Variants in SPATA6 observed in about 807,000 individuals in gnomAD.
The protein encoded by SPATA6 is spermatogenesis associated 6, also known as spermatogenesis-associated protein 6.
A neutral mutation model predicts 65.3 loss-of-function variants in SPATA6; 56 were observed. The observed-to-expected ratio is 0.86, with a 90% CI of 0.69 to 1.07. The LOEUF is 1.07. Ranked by LOEUF, SPATA6 falls within the 50% of genes least tolerant of loss-of-function variation. The pLI is 0.00. For missense variants in SPATA6, 590 were observed against 594.8 expected (o/e 0.99, Z 0.08); for synonymous variants, 199 against 213.2 (o/e 0.93, Z 0.58).
At chr1:48,469,470 A>ATT (rs1050846921) in intron 1 of SPATA6, among the ~76,000 whole-genome samples, 4 of 22,406 alleles carry the variant, frequency 1.8e-4, no homozygotes, top group African/African-American at 4.2e-4. Flanking sequence ...ACAAATATCT[A>ATT]TTTATATATA....
intron 11 of SPATA6, 161 bp downstream of exon 11, chr1:48,355,509 T>C: frequency 1.9e-6 from 1 of 533,838 alleles, no homozygotes. Flanking sequence ...AGCAGGCATT[T>C]AGATATGTTG....
intron 3 of SPATA6, among the ~76,000 whole-genome samples, chr1:48,431,244 A>C (rs770106079): frequency 1.3e-5 from 2 of 152,184 alleles, no homozygotes; most frequent in Non-Finnish European, 2.9e-5. Context: ...TTATACATCT[A>C]TAAAGAGATC....
chr1:48,462,793 C>T (rs1214874171), intron 1 of SPATA6, among the ~76,000 whole-genome samples: 2 of 152,068 alleles, frequency 1.3e-5, no homozygotes, highest in East Asian at 3.8e-4. Context: ...ATCTACTTCA[C>T]TGGGTTAAGG....
At chr1:48,335,187 C>A (rs1366230407) in intron 11 of SPATA6, among the ~76,000 whole-genome samples, 2 of 151,920 alleles carry the variant, frequency 1.3e-5, no homozygotes, top group Non-Finnish European at 2.9e-5. Context: ...GAATAAATAT[C>A]ATTAAAATGA....
At chr1:48,333,270 T>C (rs926903975) in intron 11 of SPATA6, among the ~76,000 whole-genome samples, 4 of 152,218 alleles carry the variant, frequency 2.6e-5, no homozygotes, top group African/African-American at 9.6e-5. Context: ...GCATGCTTCC[T>C]GTCCTCAAAC....
chr1:48,425,029 C>T (rs1169824939), intron 3 of SPATA6, among the ~76,000 whole-genome samples: 5 of 152,244 alleles, frequency 3.3e-5, no homozygotes, highest in Non-Finnish European at 7.4e-5. Flanking sequence ...CTTTGGTTAC[C>T]TGTGCTTGAG....
At chr1:48,467,692 G>A (rs1657915820) in intron 1 of SPATA6, among the ~76,000 whole-genome samples, 1 of 151,950 alleles carries the variant, frequency 6.6e-6, no homozygotes, top group African/African-American at 2.4e-5. Context: ...AATATGTAAG[G>A]ACCCAAACTC....
intron 3 of SPATA6, chr1:48,436,311 G>A: frequency 6.2e-7 from 1 of 1,613,168 alleles, no homozygotes; most frequent in Non-Finnish European, 8.5e-7. Context: ...ACTTTTTCCG[G>A]CATCCCAATA....
Position 48,372,211 on chromosome 1 carries a change from G to T in SPATA6, c.910-12441C>A, listed in dbSNP as rs187646586. On this transcript the variant is annotated intron_variant, in intron 9 of 12. Coordinates refer to ENST00000371847, the MANE Select transcript of SPATA6 (RefSeq NM_019073.4). ...GACAAGGCAAGTCCCTTCTGCCTAT[G>T]AGCCTGTAAAACCAAGAACAAGCTA... Among the ~76,000 whole-genome samples, 383 of 152,212 alleles carry T rather than the reference G, an allele frequency of 2.5e-3. 1 individual carries two copies. The highest frequency in any genetic ancestry group is 4.3e-3 in the Non-Finnish European group (294 of 68,016).
At chr1:48,365,911 T>C (rs1646992045) in intron 9 of SPATA6, among the ~76,000 whole-genome samples, 1 of 152,226 alleles carries the variant, frequency 6.6e-6, no homozygotes, top group Non-Finnish European at 1.5e-5. Context: ...GCCCATTCAG[T>C]ATGATATTGG....
In SPATA6 at chr1:48,346,249, C is replaced by T. The variant is rs569594040; in HGVS notation, c.1194+9421G>A. ...AACCACATGATTATCTCAATAGATA[C>T]AGAAAAGGCTTTTGATAAAATTCAA... On this transcript the variant is annotated intron_variant, in intron 11 of 12. Coordinates refer to ENST00000371847, the MANE Select transcript of SPATA6 (RefSeq NM_019073.4). Among the ~76,000 whole-genome samples, 6 of 152,216 alleles carry T rather than the reference C, an allele frequency of 3.9e-5. No homozygotes were observed. The South Asian group carries it at 1.2e-3, about 32-fold the overall frequency.
At chr1:48,324,195 A>C (rs548832658) in intron 11 of SPATA6, among the ~76,000 whole-genome samples, 1 of 152,214 alleles carries the variant, frequency 6.6e-6, no homozygotes, top group Admixed American at 6.5e-5. Flanking sequence ...TGGGCTCAAG[A>C]GATTCTCCCG....
At chr1:48,433,559 T>C (rs1270713037) in intron 3 of SPATA6, among the ~76,000 whole-genome samples, 1 of 152,160 alleles carries the variant, frequency 6.6e-6, no homozygotes, top group African/African-American at 2.4e-5. Flanking sequence ...ACTCCAGAAA[T>C]ATTATAGCAA....
At chr1:48,463,694 G>A (rs749214793) in intron 1 of SPATA6, among the ~76,000 whole-genome samples, 13 of 152,080 alleles carry the variant, frequency 8.5e-5, no homozygotes, top group Non-Finnish European at 4.4e-5. Context: ...TGCTTCACCT[G>A]GATGGGTACA....
chr1:48,434,367 C>G (rs1189317333), intron 3 of SPATA6, among the ~76,000 whole-genome samples: 1 of 150,048 alleles, frequency 6.7e-6, no homozygotes, highest in African/African-American at 2.4e-5. Context: ...GAAAGAAAAA[C>G]AGTAGAACCA....
At chr1:48,336,494 C>T (rs1646064637) in intron 11 of SPATA6, among the ~76,000 whole-genome samples, 1 of 151,998 alleles carries the variant, frequency 6.6e-6, no homozygotes, top group African/African-American at 2.4e-5. Context: ...ATGGATGGAG[C>T]TGGAGGCCAT....
intron 3 of SPATA6, among the ~76,000 whole-genome samples, chr1:48,446,427 G>A (rs1041006755): frequency 2.6e-5 from 4 of 152,160 alleles, no homozygotes; most frequent in Admixed American, 6.5e-5. Flanking sequence ...ACCATGTATT[G>A]CAATACCTGG....
chr1:48,273,870 G>T, the SPATA6 span, among the ~76,000 whole-genome samples: 1 of 152,170 alleles, frequency 6.6e-6, no homozygotes, highest in Non-Finnish European at 1.5e-5. Flanking sequence ...TAATGGGATT[G>T]CTGGGTCAAA....
At chr1:48,358,735 C>T (rs1877720) in intron 10 of SPATA6, among the ~76,000 whole-genome samples, 10,888 of 152,092 alleles carry the variant, frequency 0.072, 509 homozygotes, top group East Asian at 0.2. Flanking sequence ...CCCACTATCC[C>T]GCAACAGGCA....
Sources: gnomAD v4.1 joint callset for allele counts (sites outside exome capture counted in the v4.1 genomes callset) on GRCh38, gnomAD v4.1.1 for gene constraint, MANE v1.5 for transcripts, NCBI Gene and HGNC (gene_info 2026-07-23, HGNC 2026-07-21) for gene names.